The following MAPK8 variants were observed in gnomAD, a reference collection of about 807,000 sequenced individuals.
MAPK8 encodes JUN N-terminal kinase.
MAPK8 carries 13 observed loss-of-function variants against 52.9 expected under a neutral mutation model. The observed-to-expected ratio is 0.25, with a 90% CI of 0.16 to 0.39. The LOEUF (loss-of-function observed/expected upper bound fraction) is 0.39. MAPK8 is among the 10% of genes least tolerant of loss of function. The pLI is 1.00. For missense variants in MAPK8, 300 were observed against 519.2 expected (o/e 0.58, Z 4.10); for synonymous variants, 191 against 169.8 (o/e 1.12, Z -0.97).
In MAPK8 at chr10:48,386,830, A is replaced by G. The variant is rs183969479; in HGVS notation, c.-49-14782A>G. On this transcript the variant is annotated intron_variant, in intron 1 of 11. Transcript: ENST00000374189. The stretch of plus-strand genomic sequence containing the variant: ...TATATATATTTTAAAGTAGCCAGAA[A>G]CATGTACTTACTTTACTGCCAAGGA... Among the ~76,000 whole-genome samples the G allele has an allele frequency of 7.9e-5, 12 of 152,298 alleles. No individual in the cohort carries two copies. The East Asian group carries it at 2.3e-3, about 29-fold the overall frequency.
intron 1 of MAPK8, among the ~76,000 whole-genome samples, chr10:48,346,363 TAGTG>T (rs1242591617): frequency 6.6e-6 from 1 of 152,096 alleles, no homozygotes; most frequent in Admixed American, 6.5e-5. Context: ...TGAGGGGACA[TAGTG>T]AGGTGTGACC....
intron 1 of MAPK8, among the ~76,000 whole-genome samples, chr10:48,332,441 T>C (rs1030383135): frequency 6.6e-6 from 1 of 152,238 alleles, no homozygotes; most frequent in East Asian, 1.9e-4. Flanking sequence ...TTGTGTAATA[T>C]AGACGTTAGC....
intron 1 of MAPK8, among the ~76,000 whole-genome samples, chr10:48,350,810 A>G (rs1233881393): frequency 2.0e-5 from 3 of 152,238 alleles, no homozygotes; most frequent in Admixed American, 1.3e-4. Context: ...TCAAATAGGA[A>G]GATAGGAAGT....
At chr10:48,359,517 C>A (rs916721392) in intron 1 of MAPK8, among the ~76,000 whole-genome samples, 3 of 151,882 alleles carry the variant, frequency 2.0e-5, no homozygotes, top group Admixed American at 2.0e-4. Context: ...TATCAGATAT[C>A]GATATATTAT....
At chr10:48,359,357 T>C (rs1328565994) in intron 1 of MAPK8, among the ~76,000 whole-genome samples, 1 of 152,224 alleles carries the variant, frequency 6.6e-6, no homozygotes, top group African/African-American at 2.4e-5. Context: ...TAATTTGCTG[T>C]TGTAATTCGG....
At chr10:48,360,555 C>G (rs1485956157) in intron 1 of MAPK8, among the ~76,000 whole-genome samples, 1 of 152,078 alleles carries the variant, frequency 6.6e-6, no homozygotes, top group Non-Finnish European at 1.5e-5. Context: ...TGGAAACAGC[C>G]TAAATATCCC....
intron 5 of MAPK8, among the ~76,000 whole-genome samples, chr10:48,418,690 T>G (rs1589249152): frequency 2.6e-5 from 4 of 152,220 alleles, no homozygotes; most frequent in Admixed American, 1.3e-4. Flanking sequence ...TCTAAGTTGC[T>G]ATTCTTATAT....
chr10:48,319,012 G>T (rs1842749760), intron 1 of MAPK8, among the ~76,000 whole-genome samples: 1 of 152,162 alleles, frequency 6.6e-6, no homozygotes, highest in Non-Finnish European at 1.5e-5. Context: ...GTGACCATAA[G>T]CAGGGATGTG....
At chr10:48,307,524 C>T (rs1407640698) in intron 1 of MAPK8, among the ~76,000 whole-genome samples, 2 of 152,172 alleles carry the variant, frequency 1.3e-5, no homozygotes, top group African/African-American at 4.8e-5. Flanking sequence ...ACCCCACCCT[C>T]CCATCTCTTT....
At chr10:48,406,272 G>A (rs184344650) in intron 3 of MAPK8, among the ~76,000 whole-genome samples, 1 of 152,342 alleles carries the variant, frequency 6.6e-6, no homozygotes, top group Non-Finnish European at 1.5e-5. Flanking sequence ...GGAACTTGAT[G>A]TGTTGCTCAT....
chr10:48,397,633 C>T (rs2041954965), intron 1 of MAPK8, among the ~76,000 whole-genome samples: 1 of 152,058 alleles, frequency 6.6e-6, no homozygotes, highest in Admixed American at 6.5e-5. Context: ...TTCTGTCACC[C>T]AGGCTGGAGT....
intron 1 of MAPK8, among the ~76,000 whole-genome samples, chr10:48,366,803 C>T (rs1469482355): frequency 2.0e-5 from 3 of 151,766 alleles, no homozygotes; most frequent in Non-Finnish European, 2.9e-5. Context: ...TTTTTTTACC[C>T]TGTTAACAAC....
At chr10:48,336,728 C>A (rs1844727070) in intron 1 of MAPK8, among the ~76,000 whole-genome samples, 1 of 152,092 alleles carries the variant, frequency 6.6e-6, no homozygotes, top group Non-Finnish European at 1.5e-5. Flanking sequence ...AACTGCTGTA[C>A]ACATGTAAGA....
intron 1 of MAPK8, among the ~76,000 whole-genome samples, chr10:48,336,779 T>C (rs1477565385): frequency 6.6e-6 from 1 of 152,208 alleles, no homozygotes; most frequent in Non-Finnish European, 1.5e-5. Context: ...ATTTCTGGAA[T>C]GGAACTTTTA....
intron 1 of MAPK8, among the ~76,000 whole-genome samples, chr10:48,351,262 A>G (rs1846294223): frequency 6.9e-6 from 1 of 144,828 alleles, no homozygotes; most frequent in Non-Finnish European, 1.5e-5. Context: ...ATTAGAAAAA[A>G]TAACTTTGAA....
At chr10:48,427,907 T>G (rs1804578001) in intron 10 of MAPK8, among the ~76,000 whole-genome samples, 1 of 152,230 alleles carries the variant, frequency 6.6e-6, no homozygotes, top group Non-Finnish European at 1.5e-5. Flanking sequence ...CATCTCCCTC[T>G]TGGTGACCAT....
chr10:48,382,452 C>A (rs1564558887), intron 1 of MAPK8, among the ~76,000 whole-genome samples: 1 of 151,950 alleles, frequency 6.6e-6, no homozygotes, highest in African/African-American at 2.4e-5. Flanking sequence ...CATAAAAATA[C>A]AAACATAAGT....
chr10:48,409,907 C>G lies in MAPK8; in HGVS notation c.281C>G (p.Pro94Arg), dbSNP rs200881923. The G allele has an allele frequency of 6.2e-7, 1 of 1,610,884 alleles. No individual in the cohort carries two copies. Residue 94 changes from proline to arginine, a missense_variant, in exon 4 of 12, where the codon CCA becomes CGA. Transcript: ENST00000374189. ...ATTGGCCTTTTGAATGTTTTCACACCACAGAAATCCCTAGAAGAATTTCAA... is the reference window on the plus strand; with the variant it reads ...ATTGGCCTTTTGAATGTTTTCACACGACAGAAATCCCTAGAAGAATTTCAA... ...NIIGLLNVFT[P>R]QKSLEEFQDV...
At chr10:48,387,293 T>C (rs934326020) in intron 1 of MAPK8, among the ~76,000 whole-genome samples, 2 of 152,126 alleles carry the variant, frequency 1.3e-5, no homozygotes, top group African/African-American at 4.8e-5. Context: ...TCTGGACTCA[T>C]GGGCAACTAA....
Sources: allele counts gnomAD v4.1 joint callset (sites outside exome capture counted in the v4.1 genomes callset), GRCh38; gene constraint gnomAD v4.1.1; transcripts MANE v1.5; gene names NCBI Gene and HGNC (gene_info 2026-07-23, HGNC 2026-07-21).